The following MACROD1 variants were observed in gnomAD, a reference collection of about 807,000 sequenced individuals.
MACROD1 encodes the protein mono-ADP ribosylhydrolase 1, also known as ADP-ribose glycohydrolase MACROD1.
In MACROD1, 31 loss-of-function variants were observed where a neutral mutation model predicts 41.4. That is an observed-to-expected ratio of 0.75 (90% CI 0.56 to 1.01). The LOEUF is 1.01. Ranked by LOEUF, MACROD1 falls within the 50% of genes least tolerant of loss-of-function variation. The pLI, the probability that MACROD1 is intolerant of heterozygous loss-of-function variation, is 0.00. For missense variants in MACROD1, 473 were observed against 460.0 expected, an observed-to-expected ratio of 1.03 and a Z score of -0.26; for synonymous variants, 252 against 203.4, an observed-to-expected ratio of 1.24 and a Z score of -2.03.
chr11:64,018,004 G>A (rs909196460), intron 3 of MACROD1, among the ~76,000 whole-genome samples: 1 of 152,132 alleles, frequency 6.6e-6, no homozygotes, highest in Non-Finnish European at 1.5e-5. Flanking sequence ...CACTGCACCC[G>A]GCAAGGTGAG....
At chr11:63,999,092 T>C (rs960365608) in intron 8 of MACROD1, 56 bp from the exon 9 acceptor site, 7 of 1,493,534 alleles carry the variant, frequency 4.7e-6, no homozygotes, top group African/African-American at 1.4e-5. Context: ...CCCAGGATCC[T>C]GTGACTGCCT....
At chr11:64,132,903 A>C (rs1388177389) in intron 3 of MACROD1, among the ~76,000 whole-genome samples, 1 of 152,198 alleles carries the variant, frequency 6.6e-6, no homozygotes, top group Admixed American at 6.5e-5. Flanking sequence ...CAAGGCCCAG[A>C]TCTAAGCAGC....
At chr11:64,044,017 G>T (rs949099170) in intron 3 of MACROD1, among the ~76,000 whole-genome samples, 28 of 152,016 alleles carry the variant, frequency 1.8e-4, no homozygotes, top group African/African-American at 6.5e-4. Context: ...GATTCACCAT[G>T]TTAGGCAGGA....
At chr11:64,118,604 T>C (rs1470739358) in intron 3 of MACROD1, 23 of 296,056 alleles carry the variant, frequency 7.8e-5, no homozygotes, top group East Asian at 5.7e-4. Context: ...GTTTTTTTTT[T>C]TTCCCCCCTG....
intron 1 of MACROD1, among the ~76,000 whole-genome samples, chr11:64,159,950 G>A (rs1460327445): frequency 6.6e-6 from 1 of 152,130 alleles, no homozygotes; most frequent in Non-Finnish European, 1.5e-5. Flanking sequence ...AGGGAGAATG[G>A]GCCCATGGAA....
Position 64,036,789 on chromosome 11 carries a change from G to A in MACROD1, c.518-21508C>T, listed in dbSNP as rs1318200165. On this transcript the variant is annotated intron_variant, in intron 3 of 10. Coordinates refer to ENST00000255681, the MANE Select transcript of MACROD1 (RefSeq NM_014067.4). The surrounding 1 kb of genome is among the most constrained non-coding windows in gnomAD (Gnocchi z 5.6). ...GCGGCTGGAACGGTGAGACCATGGTGCCTGGGCGGGGGGCGGCGGGCACCC... is the reference window on the plus strand; with the variant it reads ...GCGGCTGGAACGGTGAGACCATGGTACCTGGGCGGGGGGCGGCGGGCACCC... Among the ~76,000 whole-genome samples, 1 of 152,196 alleles carries A rather than the reference G, an allele frequency of 6.6e-6. No individual in the cohort carries two copies. Among genetic ancestry groups the A allele is most frequent in the African/African-American group, 2.4e-5 (1 of 41,456 alleles).
chr11:64,075,129 C>T (rs1415827717), intron 3 of MACROD1, among the ~76,000 whole-genome samples: 1 of 152,218 alleles, frequency 6.6e-6, no homozygotes, highest in Non-Finnish European at 1.5e-5. Flanking sequence ...CTCTTTCTCT[C>T]ACTTGGAGAA....
At chr11:64,039,749 CG>C (rs1286951401) in intron 3 of MACROD1, among the ~76,000 whole-genome samples, 2 of 152,226 alleles carry the variant, frequency 1.3e-5, no homozygotes, top group Non-Finnish European at 2.9e-5. Flanking sequence ...TGCCGCTCCC[CG>C]GGGCCAGCGG....
intron 3 of MACROD1, among the ~76,000 whole-genome samples, chr11:64,144,938 C>T (rs553328322): frequency 2.4e-4 from 36 of 152,360 alleles, no homozygotes; most frequent in African/African-American, 6.5e-4. Flanking sequence ...CTCTAAATCA[C>T]TGACTCCAAG....
intron 4 of MACROD1, among the ~76,000 whole-genome samples, chr11:64,004,228 G>T (rs1342537953): frequency 3.3e-5 from 5 of 152,168 alleles, no homozygotes; most frequent in Admixed American, 3.3e-4. Context: ...GGAGGGCTGG[G>T]CTGAGTGATT....
intron 3 of MACROD1, among the ~76,000 whole-genome samples, chr11:64,139,336 A>G (rs1356576633): frequency 6.6e-6 from 1 of 152,150 alleles, no homozygotes; most frequent in African/African-American, 2.4e-5. Flanking sequence ...ACAGAGCAGG[A>G]GACTCCCACA....
chr11:64,157,500 TTTTCATTTTC>T (rs1322850871), intron 1 of MACROD1, among the ~76,000 whole-genome samples: 1 of 152,166 alleles, frequency 6.6e-6, no homozygotes, highest in Non-Finnish European at 1.5e-5. Context: ...AAAACATGCA[TTTTCATTTTC>T]TTTCATTTTT....
At chr11:64,133,174 C>T (rs930899406) in intron 3 of MACROD1, among the ~76,000 whole-genome samples, 1 of 152,208 alleles carries the variant, frequency 6.6e-6, no homozygotes, top group Middle Eastern at 3.2e-3. Context: ...GGAGCCCCCA[C>T]GCTATGCCCC....
At chr11:64,162,501 C>T (rs1235798448) in intron 1 of MACROD1, among the ~76,000 whole-genome samples, 1 of 151,706 alleles carries the variant, frequency 6.6e-6, no homozygotes, top group Non-Finnish European at 1.5e-5. Flanking sequence ...GACCCTGTCT[C>T]GAAAAAAATT....
chr11:64,047,299 C>T (rs1334189572), intron 3 of MACROD1, among the ~76,000 whole-genome samples: 4 of 152,136 alleles, frequency 2.6e-5, no homozygotes, highest in Non-Finnish European at 5.9e-5. Flanking sequence ...CTTTGTACAA[C>T]AGCCCTGGGA....
chr11:64,022,746 G>A (rs550770676), intron 3 of MACROD1, among the ~76,000 whole-genome samples: 197 of 152,304 alleles, frequency 1.3e-3, no homozygotes, highest in African/African-American at 4.6e-3. Context: ...GGCCCAGGTG[G>A]AAGGTGGGAG....
rs115938457 is a variant in MACROD1, at chr11:64,081,018, C to T, written c.518-65737G>A. ...ATTCTGCCATCTTCCCCCAAGGTTA[C>T]ACTTCTTATTTTATTTATTTTGAGA... On this transcript the variant is annotated intron_variant, in intron 3 of 10. Transcript: ENST00000255681. Among the ~76,000 whole-genome samples, 568 of 152,280 alleles carry T rather than the reference C, an allele frequency of 3.7e-3. 5 individuals are homozygous for T. The highest frequency in any genetic ancestry group is 0.013 in the African/African-American group (542 of 41,548).
chr11:64,065,603 C>A (rs1393936973), intron 3 of MACROD1, among the ~76,000 whole-genome samples: 1 of 145,344 alleles, frequency 6.9e-6, no homozygotes, highest in Non-Finnish European at 1.5e-5. Flanking sequence ...TCCTGGCTAA[C>A]ACGGTGAAAC....
rs1462344440 is a variant in MACROD1 at position 64,165,758 on chromosome 11, G to T, written c.237C>A (p.Ala79=). The T allele has an allele frequency of 1.3e-6, 2 of 1,499,454 alleles. No homozygotes were observed. Among genetic ancestry groups the T allele is most frequent in the Non-Finnish European group, 1.8e-6 (2 of 1,129,536 alleles). 92.9% of individuals were successfully genotyped at this position (1,499,454 alleles called of 1,614,324 possible). A position where few individuals can be genotyped will look rare whatever the true frequency, so the allele number is the denominator to read the frequency against. The change falls in exon 1 of 11, where the codon GCC becomes GCA. Residue 79 remains alanine (A), a synonymous_variant. Transcript: ENST00000255681. The part of the protein sequence containing the change: ...VGRTAGVRTW[A]PLAMAAKVDL... ...CCACCTTCGCCGCCATGGCCAGGGG[G>T]GCCCAAGTGCGCACCCCGGCTGTCC...
Sources: allele counts gnomAD v4.1 joint callset (sites outside exome capture counted in the v4.1 genomes callset), GRCh38; gene constraint gnomAD v4.1.1; non-coding constraint Gnocchi (gnomAD v3.1); transcripts MANE v1.5; gene names NCBI Gene and HGNC (gene_info 2026-07-23, HGNC 2026-07-21).